Variants in MRPS28 observed in about 807,000 individuals in gnomAD.
MRPS28 encodes mitochondrial ribosomal protein S28.
In MRPS28, 7 loss-of-function variants were observed where a neutral mutation model predicts 10.8. The observed-to-expected ratio is 0.65, with a 90% CI of 0.37 to 1.22. MRPS28 has a LOEUF of 1.22. Among genes scored for constraint, MRPS28 ranks in the 50% most tolerant of loss-of-function variants. The pLI is 0.02. For missense variants in MRPS28, 265 were observed against 232.9 expected (o/e 1.14, Z -0.90); for synonymous variants, 121 against 93.3 (o/e 1.30, Z -1.71).
chr8:79,921,640 G>C (rs1810097102), intron 2 of MRPS28, among the ~76,000 whole-genome samples: 1 of 152,240 alleles, frequency 6.6e-6, no homozygotes, highest in Non-Finnish European at 1.5e-5. Context: ...TTTGTATCCT[G>C]AGACTTTGCT....
intron 1 of MRPS28, among the ~76,000 whole-genome samples, chr8:80,012,900 G>A (rs111858716): frequency 2.5e-3 from 385 of 152,186 alleles, no homozygotes; most frequent in African/African-American, 8.9e-3. Flanking sequence ...GGAAACAGGG[G>A]CAACTAGTGC....
chr8:79,981,790 T>C (rs58379631), intron 2 of MRPS28, among the ~76,000 whole-genome samples: 1,641 of 152,282 alleles, frequency 0.011, 36 homozygotes, highest in African/African-American at 0.037. Flanking sequence ...CAAGGAAGGA[T>C]TGGTTTGCTT....
intron 2 of MRPS28, among the ~76,000 whole-genome samples, chr8:79,960,007 C>T (rs1239403516): frequency 6.6e-6 from 1 of 152,116 alleles, no homozygotes; most frequent in African/African-American, 2.4e-5. Flanking sequence ...CTGACAACAT[C>T]CTGTTTTACA....
chr8:80,022,211 C>T (rs957674158), intron 1 of MRPS28, among the ~76,000 whole-genome samples: 18 of 145,214 alleles, frequency 1.2e-4, no homozygotes, highest in African/African-American at 3.5e-4. Flanking sequence ...TTGGGACTGG[C>T]TTTTTTTTTT....
chr8:80,020,903 GT>G (rs149788911), intron 1 of MRPS28, among the ~76,000 whole-genome samples: 1 of 151,478 alleles, frequency 6.6e-6, no homozygotes, highest in African/African-American at 2.4e-5. Context: ...ATTTCTATTT[GT>G]TTTTTTTAAC....
At chr8:80,006,569 TA>T (rs1808853418) in intron 1 of MRPS28, among the ~76,000 whole-genome samples, 1 of 151,846 alleles carries the variant, frequency 6.6e-6, no homozygotes, top group Non-Finnish European at 1.5e-5. Context: ...ATAGACGCAA[TA>T]AAAAATGATA....
At chr8:79,942,239 C>T (rs1300311606) in intron 2 of MRPS28, among the ~76,000 whole-genome samples, 2 of 152,240 alleles carry the variant, frequency 1.3e-5, no homozygotes, top group Non-Finnish European at 2.9e-5. Context: ...CAGGACTGCA[C>T]TGACTCTCCA....
chr8:79,952,491 A>G (rs944190539), intron 2 of MRPS28, among the ~76,000 whole-genome samples: 1 of 152,188 alleles, frequency 6.6e-6, no homozygotes, highest in Admixed American at 6.5e-5. Flanking sequence ...GTTATCATGA[A>G]GAGGTAGCGA....
At chr8:79,928,747 C>G (rs1329157316) in intron 2 of MRPS28, among the ~76,000 whole-genome samples, 1 of 149,494 alleles carries the variant, frequency 6.7e-6, no homozygotes, top group Admixed American at 6.7e-5. Flanking sequence ...AGCCTAAGTA[C>G]GTTAATTAAA....
chr8:80,007,227 C>A (rs934329678), intron 1 of MRPS28, among the ~76,000 whole-genome samples: 6 of 152,160 alleles, frequency 3.9e-5, no homozygotes, highest in African/African-American at 1.4e-4. Flanking sequence ...AACAACCCTT[C>A]ATGCTAAAAA....
At chr8:80,027,977 C>T (rs1169212656) in intron 1 of MRPS28, among the ~76,000 whole-genome samples, 1 of 152,106 alleles carries the variant, frequency 6.6e-6, no homozygotes, top group Non-Finnish European at 1.5e-5. Flanking sequence ...CAGGAAACAC[C>T]CCAGCCTCCT....
At chr8:79,937,361 C>T (rs550641157) in intron 2 of MRPS28, among the ~76,000 whole-genome samples, 6 of 152,052 alleles carry the variant, frequency 3.9e-5, no homozygotes, top group East Asian at 1.9e-4. Context: ...GAAACAAATA[C>T]GAAGACGTGG....
At chr8:80,018,295 C>CA (rs55883340) in intron 1 of MRPS28, among the ~76,000 whole-genome samples, 1,610 of 52,868 alleles carry the variant, frequency 0.03, 175 homozygotes, top group African/African-American at 0.089. Flanking sequence ...TACTCTGTCT[C>CA]AAAAAAAAAA....
At chr8:79,963,264 A>G (rs1402614878) in intron 2 of MRPS28, among the ~76,000 whole-genome samples, 2 of 152,180 alleles carry the variant, frequency 1.3e-5, no homozygotes, top group Non-Finnish European at 2.9e-5. Flanking sequence ...TAAAGTATCC[A>G]TCTTGTTGAT....
chr8:79,996,687 T>C (rs1808509321), intron 2 of MRPS28, among the ~76,000 whole-genome samples: 1 of 152,186 alleles, frequency 6.6e-6, no homozygotes, highest in African/African-American at 2.4e-5. Context: ...ACAGCAACAA[T>C]GGACACCATA....
At chr8:80,002,148 T>C (rs1808675491) in intron 2 of MRPS28, among the ~76,000 whole-genome samples, 1 of 152,214 alleles carries the variant, frequency 6.6e-6, no homozygotes, top group Admixed American at 6.5e-5. Context: ...CTCGTTCTCA[T>C]AATTGCTCTC....
intron 2 of MRPS28, among the ~76,000 whole-genome samples, chr8:79,934,233 C>T (rs1231596233): frequency 1.3e-5 from 2 of 152,122 alleles, no homozygotes; most frequent in African/African-American, 2.4e-5. Context: ...CTTACTTTGT[C>T]AAAAGAGATG....
intron 2 of MRPS28, among the ~76,000 whole-genome samples, chr8:79,960,469 G>C (rs1413038203): frequency 6.6e-6 from 1 of 152,090 alleles, no homozygotes; most frequent in Non-Finnish European, 1.5e-5. Context: ...TTTTCCCAAA[G>C]ATATGTGTAC....
intron 2 of MRPS28, among the ~76,000 whole-genome samples, chr8:79,952,067 C>A (rs1807092753): frequency 6.6e-6 from 1 of 152,148 alleles, no homozygotes; most frequent in Non-Finnish European, 1.5e-5. Flanking sequence ...TCTCATAGAG[C>A]CTATTATCAA....
Sources: allele counts gnomAD v4.1 joint callset (sites outside exome capture counted in the v4.1 genomes callset), GRCh38; gene constraint gnomAD v4.1.1; transcripts MANE v1.5; gene names NCBI Gene and HGNC (gene_info 2026-07-23, HGNC 2026-07-21).